SMIM31: variants seen among roughly 807,000 people sequenced by gnomAD.
SMIM31 encodes the protein small integral membrane protein 31.
chr4:164,779,468 G>A (rs950196600), intron 2 of SMIM31, among the ~76,000 whole-genome samples: 1 of 152,214 alleles, frequency 6.6e-6, no homozygotes, highest in East Asian at 1.9e-4. Flanking sequence ...TGGCCAATCT[G>A]TAGACTTTCT....
intron 2 of SMIM31, among the ~76,000 whole-genome samples, chr4:164,780,899 C>T (rs962563637): frequency 9.2e-5 from 14 of 152,172 alleles, no homozygotes; most frequent in African/African-American, 3.4e-4. Context: ...AAGCCTCAAA[C>T]TCCTGGGCTA....
intron 2 of SMIM31, among the ~76,000 whole-genome samples, chr4:164,779,644 G>C (rs183810236): frequency 1.3e-5 from 2 of 152,036 alleles, no homozygotes; most frequent in Admixed American, 1.3e-4. Flanking sequence ...TGAGACTGAG[G>C]TCTTCCTATT....
intron 2 of SMIM31, among the ~76,000 whole-genome samples, chr4:164,795,928 C>A (rs1326982042): frequency 6.6e-6 from 1 of 152,142 alleles, no homozygotes; most frequent in African/African-American, 2.4e-5. Flanking sequence ...CTTCTGATCA[C>A]AGGTCACCAG....
rs1229534967 is a variant in SMIM31 at position 164,772,602 on chromosome 4, G to A, written c.112+2047G>A. ...TTTATTTTATTTTTTTTTTTGAGAC[G>A]GAGTCTCGCTCTGTCGCCCAGGCTG... On this transcript the variant is annotated intron_variant, in intron 2 of 2. Transcript: ENST00000507311. Among the ~76,000 whole-genome samples, 4 of 53,734 alleles carry A rather than the reference G, an allele frequency of 7.4e-5. No individual in the cohort carries two copies. The East Asian group carries it at 3.3e-3, about 44-fold the overall frequency. The allele number at this position is 53,734 out of a possible 152,430, so 35.3% of individuals were successfully genotyped here. A position where few individuals can be genotyped will look rare whatever the true frequency, so the allele number is the denominator to read the frequency against.
intron 2 of SMIM31, among the ~76,000 whole-genome samples, chr4:164,781,129 T>TACATACAC: frequency 6.9e-6 from 1 of 144,544 alleles, no homozygotes; most frequent in African/African-American, 2.5e-5. Context: ...TACATTTACA[T>TACATACAC]ACACACACAC....
intron 2 of SMIM31, among the ~76,000 whole-genome samples, chr4:164,799,503 T>A (rs921071239): frequency 7.2e-5 from 11 of 152,128 alleles, no homozygotes; most frequent in Admixed American, 7.2e-4. Context: ...ATATCTGAGA[T>A]GAGATCCCCA....
intron 2 of SMIM31, among the ~76,000 whole-genome samples, chr4:164,780,426 C>CA (rs762632494): frequency 2.6e-5 from 4 of 152,168 alleles, no homozygotes; most frequent in African/African-American, 7.2e-5. Flanking sequence ...GACTCCATCT[C>CA]AAAAAACAAA....
chr4:164,758,836 T>TA (rs1732607128), intron 1 of SMIM31, among the ~76,000 whole-genome samples: 1 of 92,840 alleles, frequency 1.1e-5, no homozygotes, highest in African/African-American at 4.4e-5. Context: ...TTTTTTTTTT[T>TA]TTTTTGTATT....
At chr4:164,762,678 AAAAAAGAAAAAG>A (rs1182226763) in intron 1 of SMIM31, among the ~76,000 whole-genome samples, 11 of 138,342 alleles carry the variant, frequency 8.0e-5, no homozygotes, top group East Asian at 4.3e-4. Context: ...AAAAAAAAAA[AAAAAAGAAAAAG>A]AAAAAGAAAA....
In SMIM31 at chr4:164,754,249, G is replaced by A. The variant is rs1390915319; in HGVS notation, c.-188G>A. 1 of 152,130 alleles carries A rather than the reference G, an allele frequency of 6.6e-6. No homozygotes were observed. Among genetic ancestry groups the A allele is most frequent in the Non-Finnish European group, 1.5e-5 (1 of 68,032 alleles). 9.4% of individuals were successfully genotyped at this position (152,130 alleles called of 1,614,324 possible). The stretch of plus-strand genomic sequence containing the variant: ...TTAGTAAGCCTTGGTTAGTGAAGTG[G>A]CATCAGGAAGTGCCTACATTTTCAT... On this transcript the variant is annotated 5_prime_UTR_variant, in exon 1 of 3. Transcript: ENST00000507311.
chr4:164,760,297 T>C (rs1357233100), intron 1 of SMIM31, among the ~76,000 whole-genome samples: 2 of 152,252 alleles, frequency 1.3e-5, no homozygotes, highest in Non-Finnish European at 2.9e-5. Context: ...TAAAATGCTG[T>C]CTTAAGGGTA....
chr4:164,772,613 C>G (rs1732822281), intron 2 of SMIM31, among the ~76,000 whole-genome samples: 1 of 143,976 alleles, frequency 6.9e-6, no homozygotes, highest in Non-Finnish European at 1.5e-5. Flanking sequence ...GAGTCTCGCT[C>G]TGTCGCCCAG....
Position 164,773,348 on chromosome 4 carries a change from T to C in SMIM31, c.112+2793T>C, listed in dbSNP as rs550134288. Among the ~76,000 whole-genome samples the C allele has an allele frequency of 5.9e-5, 9 of 152,320 alleles. No individual in the cohort carries two copies. The South Asian group carries it at 1.9e-3, about 32-fold the overall frequency. ...AAGCCTCTGTGTTAGTCTGTTCTCA[T>C]GCTGCTAATAAGAACATACCCAAAA... On this transcript the variant is annotated intron_variant, in intron 2 of 2. Transcript: ENST00000507311.
chr4:164,771,777 C>A (rs1732806079), intron 2 of SMIM31, among the ~76,000 whole-genome samples: 1 of 152,096 alleles, frequency 6.6e-6, no homozygotes, highest in African/African-American at 2.4e-5. Context: ...CCACTGCACT[C>A]CAGCCTGAGT....
intron 1 of SMIM31, among the ~76,000 whole-genome samples, chr4:164,763,957 G>A (rs569460233): frequency 1.1e-4 from 16 of 152,120 alleles, no homozygotes; most frequent in South Asian, 4.2e-4. Context: ...GAAAAATAAC[G>A]GTAGATAGGA....
chr4:164,778,001 T>C (rs1732898963), intron 2 of SMIM31, among the ~76,000 whole-genome samples: 1 of 152,264 alleles, frequency 6.6e-6, no homozygotes, highest in Admixed American at 6.5e-5. Flanking sequence ...GCCACTGCTG[T>C]GATTCTATAT....
chr4:164,768,244 AAAAAGAAAAG>A (rs1033314764), intron 1 of SMIM31, among the ~76,000 whole-genome samples: 1 of 45,116 alleles, frequency 2.2e-5, no homozygotes, highest in African/African-American at 5.1e-5. Context: ...ACAAAAAAAA[AAAAAGAAAAG>A]AAAAGAAAAG....
intron 1 of SMIM31, among the ~76,000 whole-genome samples, chr4:164,766,628 C>T (rs2110927245): frequency 6.6e-6 from 1 of 152,026 alleles, no homozygotes. Context: ...GAAACCCCAT[C>T]TCTACTAAAA....
intron 1 of SMIM31, among the ~76,000 whole-genome samples, chr4:164,762,604 G>A (rs1202510268): frequency 3.4e-5 from 5 of 147,394 alleles, no homozygotes; most frequent in Non-Finnish European, 4.5e-5. Context: ...CAGAGGTTGC[G>A]GTGAACCAAG....
Sources: gnomAD v4.1 joint callset for allele counts (sites outside exome capture counted in the v4.1 genomes callset) on GRCh38, gnomAD v4.1.1 for gene constraint, MANE v1.5 for transcripts, NCBI Gene and HGNC (gene_info 2026-07-23, HGNC 2026-07-21) for gene names.